PDZD8: variants seen among roughly 807,000 people sequenced by gnomAD.
The protein encoded by PDZD8 is PDZ domain containing 8, also known as PDZ domain-containing protein 8.
Under a neutral mutation model 85.8 loss-of-function variants are expected in PDZD8, and 14 were observed. That is an observed-to-expected ratio of 0.16 (90% CI 0.11 to 0.26). PDZD8 has a LOEUF of 0.26. Among genes scored for constraint, PDZD8 ranks in the 10% least tolerant of loss-of-function variants. The pLI is 1.00. For missense variants in PDZD8, 1,197 were observed against 1,424.3 expected (o/e 0.84, Z 2.57); for synonymous variants, 592 against 568.6 (o/e 1.04, Z -0.59).
At position 117,290,239 on chromosome 10, in the gene PDZD8, G is replaced by A. The variant is rs1844734079; in HGVS notation, c.1208C>T (p.Ser403Leu). 4 of 1,614,058 alleles carry A rather than the reference G, an allele frequency of 2.5e-6. No homozygotes were observed. The highest frequency in any genetic ancestry group is 1.3e-5 in the African/African-American group (1 of 75,048). Residue 403 changes from serine to leucine, a missense_variant, in exon 4 of 5, where the codon TCG (serine) becomes TTG (leucine). By Grantham distance (145) the Ser-to-Leu change is moderately radical. Transcript: ENST00000334464. ...CTGAAGATCTGCAATTGCAGCAGGC[G>A]AGTTTGGAGCCACAGTTTCAATGAT... ...HVIIETVAPN[S>L]PAAIADLQRG...
intron 3 of PDZD8, among the ~76,000 whole-genome samples, chr10:117,312,500 C>T (rs1844055923): frequency 6.6e-6 from 1 of 152,132 alleles, no homozygotes; most frequent in Non-Finnish European, 1.5e-5. Context: ...GTGCAGGATA[C>T]ATAGCGTAAA....
intron 1 of PDZD8, among the ~76,000 whole-genome samples, chr10:117,371,750 G>A (rs1431253494): frequency 6.6e-6 from 1 of 152,006 alleles, no homozygotes; most frequent in Non-Finnish European, 1.5e-5. Context: ...ACTAGCCTGG[G>A]CAACAAAGCA....
intron 1 of PDZD8, among the ~76,000 whole-genome samples, chr10:117,350,046 T>A (rs1476946415): frequency 1.3e-5 from 2 of 152,102 alleles, no homozygotes; most frequent in Non-Finnish European, 2.9e-5. Context: ...AGCTAACACT[T>A]ATTACATACT....
intron 2 of PDZD8, among the ~76,000 whole-genome samples, chr10:117,334,507 T>TCAAAA (rs1045904396): frequency 4.6e-5 from 7 of 151,834 alleles, no homozygotes; most frequent in African/African-American, 9.7e-5. Context: ...AGACCCTGTC[T>TCAAAA]CAAAACAAAA....
chr10:117,297,232 A>G (rs115491392), intron 3 of PDZD8, among the ~76,000 whole-genome samples: 83 of 152,268 alleles, frequency 5.5e-4, no homozygotes, highest in African/African-American at 1.9e-3. Flanking sequence ...CATACCTACT[A>G]GAATGACTAA....
intron 3 of PDZD8, among the ~76,000 whole-genome samples, chr10:117,299,785 A>T (rs1212712318): frequency 6.6e-6 from 1 of 152,062 alleles, no homozygotes; most frequent in East Asian, 1.9e-4. Context: ...GAATAGCTTA[A>T]TAATCAACCC....
At chr10:117,358,404 T>C (rs1232602897) in intron 1 of PDZD8, among the ~76,000 whole-genome samples, 2 of 152,074 alleles carry the variant, frequency 1.3e-5, no homozygotes, top group African/African-American at 2.4e-5. Context: ...GTAAAAGTAA[T>C]GGCAAAACCA....
At position 117,283,747 on chromosome 10, in the gene PDZD8, T is replaced by C; in HGVS notation, c.2986A>G (p.Ser996Gly). ...TTTCTCACTAACTTTATTCCTGTGC[T>C]GTTTCCCCGTTTAGAAGGACTGTTT... is the stretch of plus-strand genomic sequence containing the variant. Reference protein sequence around the residue: ...GPNSPSKRGNSTGIKLVRKEG... With the variant: ...GPNSPSKRGNGTGIKLVRKEG... Residue 996 changes from serine (S) to glycine (G), a missense_variant, in exon 5 of 5, where the codon AGC (serine) becomes GGC (glycine). By Grantham distance (56) the Ser-to-Gly change is moderately conservative. This residue lies in a region of PDZD8 where 418 missense variants were observed against 571.1 expected (regional missense o/e 0.73). Coordinates refer to ENST00000334464, the MANE Select transcript of PDZD8 (RefSeq NM_173791.5). The C allele has an allele frequency of 6.2e-7, 1 of 1,614,218 alleles. No individual in the cohort carries two copies. Among genetic ancestry groups the C allele is most frequent in the Non-Finnish European group, 8.5e-7 (1 of 1,180,040 alleles).
At chr10:117,312,730 C>T (rs976540513) in intron 3 of PDZD8, among the ~76,000 whole-genome samples, 6 of 152,000 alleles carry the variant, frequency 3.9e-5, no homozygotes, top group Non-Finnish European at 8.8e-5. Flanking sequence ...AGTCATTCAC[C>T]CACCTTTGTC....
At position 117,280,935 on chromosome 10, in the gene PDZD8, T is replaced by G. The variant is rs546894680; in HGVS notation, c.*2333A>C. On this transcript the variant is annotated 3_prime_UTR_variant, in exon 5 of 5. Coordinates refer to ENST00000334464, the MANE Select transcript of PDZD8 (RefSeq NM_173791.5). ...ACCAGCTACTTACAAGTAGTCCACC[T>G]TCCAGGTTATCAATGGTAAGTTATT... 6.6e-6 allele frequency: 1 copy of G among 152,358 alleles called. No individual in the cohort carries two copies. Among genetic ancestry groups the G allele is most frequent in the African/African-American group, 2.4e-5 (1 of 41,588 alleles). 9.4% of individuals were successfully genotyped at this position (152,358 alleles called of 1,614,324 possible). A position where few individuals can be genotyped will look rare whatever the true frequency, so the allele number is the denominator to read the frequency against.
At position 117,283,644 on chromosome 10, in the gene PDZD8, T is replaced by C; in HGVS notation, c.3089A>G (p.Glu1030Gly). 1 of 1,614,234 alleles carries C rather than the reference T, an allele frequency of 6.2e-7. No individual in the cohort carries two copies. Among genetic ancestry groups the C allele is most frequent in the Non-Finnish European group, 8.5e-7 (1 of 1,180,034 alleles). Residue 1030 changes from glutamate (E) to glycine (G), a missense_variant, in exon 5 of 5, where the codon GAG (glutamate) becomes GGG (glycine). Transcript: ENST00000334464. ...GRDLYRGLPT[E>G]ERIQKLEFML... ...GAACTCTAGTTTCTGGATCCTTTCC[T>C]CTGTAGGCAAGCCCCTGTACAGATC...
intron 2 of PDZD8, among the ~76,000 whole-genome samples, chr10:117,323,203 A>C (rs1226887824): frequency 6.6e-6 from 1 of 152,220 alleles, no homozygotes; most frequent in Non-Finnish European, 1.5e-5. Flanking sequence ...GGTAGAGAGA[A>C]TGGGATTCTC....
intron 1 of PDZD8, 23 bp from the exon 2 acceptor site, chr10:117,341,125 T>G (rs1296371505): frequency 6.2e-7 from 1 of 1,606,860 alleles, no homozygotes; most frequent in South Asian, 1.1e-5. Flanking sequence ...AAGATAAGTC[T>G]AAATGTCTGA....
rs566786945 is a variant in PDZD8, at chr10:117,281,022, T to C, written c.*2246A>G. 3.3e-5 allele frequency: 5 copies of C among 152,300 alleles called. No individual in the cohort carries two copies. The highest frequency in any genetic ancestry group is 9.6e-5 in the African/African-American group (4 of 41,568). The allele number at this position is 152,300 out of a possible 1,614,324, so 9.4% of individuals were successfully genotyped here. Reference sequence around the variant, plus strand: ...AAGTGTAAGTTATGGAACAATACTTTAGCTTTCAGGGAATTTGGTGTGTAA... The same window carrying C: ...AAGTGTAAGTTATGGAACAATACTTCAGCTTTCAGGGAATTTGGTGTGTAA... On this transcript the variant is annotated 3_prime_UTR_variant, in exon 5 of 5. Coordinates refer to ENST00000334464, the MANE Select transcript of PDZD8 (RefSeq NM_173791.5).
At position 117,282,142 on chromosome 10, in the gene PDZD8, C is replaced by A. The variant is rs981105494; in HGVS notation, c.*1126G>T. 2.6e-5 allele frequency: 4 copies of A among 152,134 alleles called. No homozygotes were observed. The highest frequency in any genetic ancestry group is 9.7e-5 in the African/African-American group (4 of 41,428). The allele number at this position is 152,134 out of a possible 1,614,324, so 9.4% of individuals were successfully genotyped here. ...TCACTACAGAAGTATTCAGAATGATCACCATTCCTTTACAACTGTAAGACG... is the reference window on the plus strand; with the variant it reads ...TCACTACAGAAGTATTCAGAATGATAACCATTCCTTTACAACTGTAAGACG... On this transcript the variant is annotated 3_prime_UTR_variant, in exon 5 of 5. Transcript: ENST00000334464.
chr10:117,334,455 G>A (rs771433313), intron 2 of PDZD8, among the ~76,000 whole-genome samples: 11 of 152,100 alleles, frequency 7.2e-5, no homozygotes, highest in Non-Finnish European at 1.6e-4. Context: ...GCTGTGGTAA[G>A]GCATGATCAT....
chr10:117,342,709 C>G (rs973933125), intron 1 of PDZD8, among the ~76,000 whole-genome samples: 6 of 152,196 alleles, frequency 3.9e-5, no homozygotes, highest in Non-Finnish European at 8.8e-5. Context: ...AACTCCTGAC[C>G]TCAAGTGATC....
rs1238964057 is a variant in PDZD8 at position 117,375,038 on chromosome 10, C to G, written c.190G>C (p.Gly64Arg). 1.3e-6 allele frequency: 2 copies of G among 1,592,834 alleles called. No homozygotes were observed. Among genetic ancestry groups the G allele is most frequent in the Non-Finnish European group, 1.7e-6 (2 of 1,170,902 alleles). The part of the protein sequence containing the change: ...LLLREYLYGG[G>R]RDEEPSGAAP... ...GCTCCGGAGGGCTCCTCATCCCGGC[C>G]GCCGCCATAAAGGTACTCCCTTAGG... is the stretch of plus-strand genomic sequence containing the variant. The change falls in exon 1 of 5, where the codon GGC becomes CGC. Residue 64 changes from glycine (G) to arginine (R), a missense_variant. Coordinates refer to ENST00000334464, the MANE Select transcript of PDZD8 (RefSeq NM_173791.5).
chr10:117,354,455 T>C (rs527324353), intron 1 of PDZD8, among the ~76,000 whole-genome samples: 1 of 152,172 alleles, frequency 6.6e-6, no homozygotes, highest in Non-Finnish European at 1.5e-5. Flanking sequence ...TACAAGGCCC[T>C]CATTCTGTTC....
Sources: allele counts gnomAD v4.1 joint callset (sites outside exome capture counted in the v4.1 genomes callset), GRCh38; gene constraint gnomAD v4.1.1; regional missense constraint gnomAD v4.1.1; transcripts MANE v1.5; gene names NCBI Gene and HGNC (gene_info 2026-07-23, HGNC 2026-07-21).